LAD1: variants seen among roughly 807,000 people sequenced by gnomAD.
LAD1 encodes ladinin-1.
LAD1 carries 53 observed loss-of-function variants against 54.2 expected under a neutral mutation model. The ratio of observed to expected loss-of-function variants is 0.98; its 90% confidence interval spans 0.78 to 1.23. LAD1 has a LOEUF of 1.23. LAD1 is among the 50% of genes most tolerant of loss of function. LAD1 has a pLI of 0.00. For missense variants in LAD1, 637 were observed against 653.3 expected, an observed-to-expected ratio of 0.98 and a Z score of 0.27; for synonymous variants, 231 against 257.7, an observed-to-expected ratio of 0.90 and a Z score of 0.99.
intron 5 of LAD1, chr1:201,383,627 C>T (rs1004133989): frequency 5.4e-6 from 3 of 555,732 alleles, no homozygotes; most frequent in East Asian, 3.1e-5. Context: ...CTCCCCCATA[C>T]CTTGTCATTT....
intron 5 of LAD1, among the ~76,000 whole-genome samples, chr1:201,384,380 C>T (rs1340399758): frequency 6.6e-6 from 1 of 152,142 alleles, no homozygotes; most frequent in African/African-American, 2.4e-5. Context: ...TGCATCAACA[C>T]CAGCGAGCCC....
At chr1:201,398,886 G>A (rs1290318476) in intron 1 of LAD1, among the ~76,000 whole-genome samples, 1 of 152,198 alleles carries the variant, frequency 6.6e-6, no homozygotes, top group East Asian at 1.9e-4. Context: ...CTCCGCCAGA[G>A]ACACACGGGG....
In LAD1 at chr1:201,386,919, G is replaced by A. The variant is rs545847472; in HGVS notation, c.442C>T (p.Arg148Trp). Residue 148 changes from arginine (R) to tryptophan (W), a missense_variant, in exon 3 of 10, where the codon CGG becomes TGG. Physicochemically the swap from Arg to Trp is moderately radical, Grantham distance 101. Coordinates refer to ENST00000391967, the MANE Select transcript of LAD1 (RefSeq NM_005558.4). ...LEIPPRRRLSREQRGPWALEE... is the reference protein window; with the variant it reads ...LEIPPRRRLSWEQRGPWALEE... ...AGGGCCCAGGGGCCCCGCTGTTCCC[G>A]ACTCAGTCTCCGGCGAGGTGGGATT... 28 of 1,613,592 alleles carry A rather than the reference G, an allele frequency of 1.7e-5. No homozygotes were observed. Among genetic ancestry groups the A allele is most frequent in the Admixed American group, 5.0e-5 (3 of 59,914 alleles).
At chr1:201,382,079 C>A (rs1386816726) in intron 9 of LAD1, among the ~76,000 whole-genome samples, 173 bp downstream of exon 9, 1 of 152,210 alleles carries the variant, frequency 6.6e-6, no homozygotes, top group African/African-American at 2.4e-5. Flanking sequence ...CAGGTGAGGG[C>A]TCAACCTTGT....
chr1:201,399,063 C>G (rs1220697401), intron 1 of LAD1, among the ~76,000 whole-genome samples: 3 of 152,240 alleles, frequency 2.0e-5, no homozygotes, highest in Non-Finnish European at 4.4e-5. Context: ...TGTGTGGGGC[C>G]TCAGGCCCCG....
Position 201,382,288 on chromosome 1 carries a change from C to A in LAD1, c.1512G>T (p.Gln504His), listed in dbSNP as rs760839077. 1.9e-6 allele frequency: 3 copies of A among 1,614,010 alleles called. No individual in the cohort carries two copies. The South Asian group carries it at 3.3e-5, about 18-fold the overall frequency. ...QKASSATERT[Q>H]WGQKSDSSLD... Reference sequence around the variant, plus strand: ...GCGAGGAGTCAGATTTCTGTCCCCACTGAGTCCTCTCGGTTGCAGATGATG... The same window carrying A: ...GCGAGGAGTCAGATTTCTGTCCCCAATGAGTCCTCTCGGTTGCAGATGATG... Residue 504 changes from glutamine to histidine, a missense_variant, in exon 9 of 10, where the codon CAG (glutamine) becomes CAT (histidine). Physicochemically the swap from Gln to His is conservative, Grantham distance 24 (BLOSUM62 0). Transcript: ENST00000391967.
intron 3 of LAD1, 145 bp from the exon 4 acceptor site, chr1:201,385,950 G>A (rs1194295551): frequency 1.8e-5 from 12 of 670,484 alleles, no homozygotes; most frequent in Admixed American, 2.3e-5. Context: ...TCCTTCATCT[G>A]CTGTGGGAGT....
At chr1:201,382,820 G>A (rs2102354509) in intron 7 of LAD1, 81 bp from the exon 8 acceptor site, 1 of 1,133,120 alleles carries the variant, frequency 8.8e-7, no homozygotes, top group African/African-American at 1.5e-5. Context: ...AATGGGATAG[G>A]ACTCTCCCTC....
At chr1:201,398,098 G>T (rs560119821) in intron 1 of LAD1, among the ~76,000 whole-genome samples, 1 of 152,288 alleles carries the variant, frequency 6.6e-6, no homozygotes, top group Non-Finnish European at 1.5e-5. Context: ...GGTCTGGGGA[G>T]GTGGCCCCCC....
rs1166532995 is a variant in LAD1 at position 201,385,701 on chromosome 1, C to T, written c.1131G>A (p.Arg377=). 2 of 1,612,862 alleles carry T rather than the reference C, an allele frequency of 1.2e-6. No individual in the cohort carries two copies. The highest frequency in any genetic ancestry group is 1.3e-5 in the African/African-American group (1 of 74,886). ...KRSSPRTISF[R]MKPKKENSET... ...AGACCAGGGTGCCCAGGGCTCTCAC[C>T]CGAAAGGAGATGGTCCTGGGGCTGG... is the stretch of plus-strand genomic sequence containing the variant. Residue 377 remains arginine, a splice_region_variant and synonymous_variant, in exon 4 of 10, where the codon CGG becomes CGA. Transcript: ENST00000391967.
intron 1 of LAD1, chr1:201,391,174 T>C: frequency 2.2e-6 from 1 of 456,318 alleles, no homozygotes; most frequent in South Asian, 1.5e-5. Flanking sequence ...TGGAAAGAGT[T>C]GAGCCATGGA....
At chr1:201,395,521 A>G (rs1305811959) in intron 1 of LAD1, among the ~76,000 whole-genome samples, 1 of 152,200 alleles carries the variant, frequency 6.6e-6, no homozygotes, top group Non-Finnish European at 1.5e-5. Context: ...TGGGAGGCCA[A>G]GGCGGCCGGA....
At chr1:201,384,444 G>A (rs931940758) in intron 5 of LAD1, among the ~76,000 whole-genome samples, 5 of 152,078 alleles carry the variant, frequency 3.3e-5, no homozygotes, top group Admixed American at 6.6e-5. Flanking sequence ...GCCTGCTGGA[G>A]CAGGGGCTTC....
In LAD1 at chr1:201,381,789, G is replaced by A. The variant is rs1308214642; in HGVS notation, c.*99C>T. 2.3e-6 allele frequency: 3 copies of A among 1,320,434 alleles called. No individual in the cohort carries two copies. In the African/African-American group the frequency reaches 4.4e-5, roughly 19 times the overall value. The allele number at this position is 1,320,434 out of a possible 1,614,324, so 81.8% of individuals were successfully genotyped here. ...AGATCCACAGGCAAAAAGGGAACAG[G>A]GACAATGAGAGGAAAGGGTGCTGCT... On this transcript the variant is annotated 3_prime_UTR_variant, in exon 10 of 10. Coordinates refer to ENST00000391967, the MANE Select transcript of LAD1 (RefSeq NM_005558.4).
At chr1:201,386,177 T>C (rs1321233137) in intron 3 of LAD1, among the ~76,000 whole-genome samples, 158 bp downstream of exon 3, 3 of 152,094 alleles carry the variant, frequency 2.0e-5, no homozygotes, top group East Asian at 3.9e-4. Flanking sequence ...GCTCTGACCA[T>C]GGCTAGAAGC....
intron 1 of LAD1, among the ~76,000 whole-genome samples, chr1:201,393,851 C>CTTTTTT (rs35169716): frequency 1.4e-4 from 16 of 112,242 alleles, no homozygotes; most frequent in Non-Finnish European, 2.3e-4. Context: ...TTAAGTTTTG[C>CTTTTTT]TTTTTTTTTT....
chr1:201,396,340 G>GGATCCTCTTTTTCTCTTAAA (rs758620044), intron 1 of LAD1, among the ~76,000 whole-genome samples: 7 of 152,042 alleles, frequency 4.6e-5, no homozygotes, highest in Non-Finnish European at 5.9e-5. Context: ...TTGGGGATGG[G>GGATCCTCTTTTTCTCTTAAA]GATCCTCTTT....
chr1:201,385,652 T>C (rs758197651), intron 4 of LAD1, 49 bp downstream of exon 4: 11 of 1,352,626 alleles, frequency 8.1e-6, no homozygotes, highest in Non-Finnish European at 1.1e-5. Flanking sequence ...GCGGGCTTCC[T>C]CCACTTGCCC....
chr1:201,391,106 C>T (rs1043902690), intron 1 of LAD1: 30 of 456,550 alleles, frequency 6.6e-5, no homozygotes, highest in Non-Finnish European at 1.1e-4. Context: ...TATCGCCTTC[C>T]TTTCACTTCC....
Sources: allele counts gnomAD v4.1 joint callset (sites outside exome capture counted in the v4.1 genomes callset), GRCh38; gene constraint gnomAD v4.1.1; transcripts MANE v1.5; gene names NCBI Gene and HGNC (gene_info 2026-07-23, HGNC 2026-07-21).